GCLM: variants seen among roughly 807,000 people sequenced by gnomAD.
GCLM encodes glutamate--cysteine ligase regulatory subunit.
GCLM carries 15 observed loss-of-function variants against 36.0 expected under a neutral mutation model. The ratio of observed to expected loss-of-function variants is 0.42; its 90% CI spans 0.28 to 0.64. The LOEUF is 0.64. GCLM is among the 30% of genes least tolerant of loss of function. GCLM has a pLI of 0.25. For synonymous variants in GCLM, 129 were observed against 122.8 expected (o/e 1.05, Z -0.34); for missense variants, 242 against 325.5 (o/e 0.74, Z 1.97).
intron 6 of GCLM, among the ~76,000 whole-genome samples, chr1:93,892,585 A>C (rs1177018492): frequency 6.6e-6 from 1 of 152,184 alleles, no homozygotes; most frequent in Non-Finnish European, 1.5e-5. Context: ...AAGCCTATAC[A>C]TTTTCACCAA....
At chr1:93,898,059 A>G (rs1382278837) in intron 3 of GCLM, among the ~76,000 whole-genome samples, 161 bp from the exon 4 acceptor site, 2 of 152,070 alleles carry the variant, frequency 1.3e-5, no homozygotes, top group Non-Finnish European at 2.9e-5. Flanking sequence ...TTAAGACATA[A>G]ATGTATAGTT....
chr1:93,901,546 C>G (rs200917594), intron 3 of GCLM, 39 bp downstream of exon 3: 1 of 1,035,866 alleles, frequency 9.7e-7, no homozygotes, highest in Admixed American at 1.9e-5. Flanking sequence ...CTATCGCTTC[C>G]GCTATGTAAC....
intron 5 of GCLM, among the ~76,000 whole-genome samples, chr1:93,895,463 A>G (rs11165031): frequency 0.28 from 42,488 of 152,208 alleles, 6,114 homozygotes; most frequent in Admixed American, 0.36. Context: ...AGGATCAAAT[A>G]CAAGTAAATA....
At chr1:93,894,225 C>T (rs945773225) in intron 6 of GCLM, among the ~76,000 whole-genome samples, 4 of 151,482 alleles carry the variant, frequency 2.6e-5, no homozygotes, top group Admixed American at 2.6e-4. Context: ...TGCTACTGCA[C>T]TCCAGCCTGG....
Position 93,885,247 on chromosome 1 carries a change from G to C in GCLM, c.*3743C>G, listed in dbSNP as rs1175326048. On this transcript the variant is annotated 3_prime_UTR_variant, in exon 7 of 7. Coordinates refer to ENST00000370238, the MANE Select transcript of GCLM (RefSeq NM_002061.4). ...TTTATTTTCAAATCATACTCAGTTT[G>C]AGTTCAAATAGTTCAAAAATCAATA... 6.6e-6 allele frequency: 1 copy of C among 152,108 alleles called. No homozygotes were observed. The highest frequency in any genetic ancestry group is 2.4e-5 in the African/African-American group (1 of 41,414). 9.4% of individuals were successfully genotyped at this position (152,108 alleles called of 1,614,324 possible). A position where few individuals can be genotyped will look rare whatever the true frequency, so the allele number is the denominator to read the frequency against.
intron 6 of GCLM, among the ~76,000 whole-genome samples, chr1:93,892,239 A>T (rs1656563498): frequency 6.6e-6 from 1 of 152,190 alleles, no homozygotes; most frequent in African/African-American, 2.4e-5. Flanking sequence ...ATGGAAAATA[A>T]ACCCATTATG....
chr1:93,888,727 GA>G lies in GCLM; in HGVS notation c.*262del, dbSNP rs1656414356. 4.0e-6 allele frequency: 1 copy of G among 251,484 alleles called. No individual in the cohort carries two copies. The highest frequency in any genetic ancestry group is 7.5e-6 in the Non-Finnish European group (1 of 134,210). The allele number at this position is 251,484 out of a possible 1,614,324, so 15.6% of individuals were successfully genotyped here. A position where few individuals can be genotyped will look rare whatever the true frequency, so the allele number is the denominator to read the frequency against. ...ATTTATATTAGTCATAAAAATAAAG[GA>G]AAAATATATTGCAAGTATTTTCTTT... is the stretch of plus-strand genomic sequence containing the variant. On this transcript the variant is annotated 3_prime_UTR_variant, in exon 7 of 7. Coordinates refer to ENST00000370238, the MANE Select transcript of GCLM (RefSeq NM_002061.4).
intron 2 of GCLM, among the ~76,000 whole-genome samples, chr1:93,903,330 A>G (rs1377621759): frequency 3.3e-5 from 5 of 151,638 alleles, no homozygotes; most frequent in Admixed American, 6.6e-5. Flanking sequence ...TATTTTTTTG[A>G]GACAGAGTCT....
intron 2 of GCLM, 167 bp downstream of exon 2, chr1:93,904,356 T>G: frequency 3.2e-6 from 2 of 618,480 alleles, no homozygotes; most frequent in Non-Finnish European, 5.8e-6. Flanking sequence ...GATTTTCTGT[T>G]TTATGCATAA....
chr1:93,909,007 G>A, intron 1 of GCLM, 31 bp downstream of exon 1: 1 of 1,428,188 alleles, frequency 7.0e-7, no homozygotes, highest in Non-Finnish European at 9.2e-7. Context: ...GCCTGCCCCG[G>A]GAGCCCCGCG....
At chr1:93,904,233 T>C (rs1047856312) in intron 2 of GCLM, 2 of 346,000 alleles carry the variant, frequency 5.8e-6, no homozygotes, top group African/African-American at 2.2e-5. Context: ...TAATCATTCC[T>C]CTCCTAGACC....
chr1:93,894,162 G>C (rs17878443), intron 6 of GCLM, among the ~76,000 whole-genome samples: 41 of 152,008 alleles, frequency 2.7e-4, no homozygotes, highest in Non-Finnish European at 4.1e-4. Context: ...GAAGGCTGAG[G>C]CAGGAGGAGA....
rs566088841 is a variant in GCLM at position 93,890,858 on chromosome 1, C to A, written c.656-1699G>T. On this transcript the variant is annotated intron_variant, in intron 6 of 6. Coordinates refer to ENST00000370238, the MANE Select transcript of GCLM (RefSeq NM_002061.4). ...TTGATAATTTGAGAGTGCCGCAGTGCCAATTCTTTTTTTCTTTTCTATTTT... is the reference window on the plus strand; with the variant it reads ...TTGATAATTTGAGAGTGCCGCAGTGACAATTCTTTTTTTCTTTTCTATTTT... 4.0e-5 allele frequency among the ~76,000 whole-genome samples: 6 copies of A among 151,520 alleles called. No individual in the cohort carries two copies. In the South Asian group the frequency reaches 1.0e-3, roughly 26 times the overall value.
rs1656285989 is a variant in GCLM, at chr1:93,885,980, ATC to A, written c.*3008_*3009del. The A allele has an allele frequency of 6.6e-6, 1 of 152,156 alleles. No individual in the cohort carries two copies. The highest frequency in any genetic ancestry group is 1.5e-5 in the Non-Finnish European group (1 of 67,988). 9.4% of individuals were successfully genotyped at this position (152,156 alleles called of 1,614,324 possible). On this transcript the variant is annotated 3_prime_UTR_variant, in exon 7 of 7. Coordinates refer to ENST00000370238, the MANE Select transcript of GCLM (RefSeq NM_002061.4). The stretch of plus-strand genomic sequence containing the variant: ...TTTATACATAGCTGCTATCCAAATG[ATC>A]TTTTTTGAAAAATGAAAAATTATTA...
Position 93,896,621 on chromosome 1 carries a change from T to G in GCLM, c.537A>C (p.Ala179=). ...KTQLEQLYQW[A]QVKPNSNQVN... ...TCATGATCCTGCCATCCCTCACCTG[T>G]GCCCACTGATACAGCTGTTCCAACT... The change falls in exon 5 of 7, where the codon GCA becomes GCC. Residue 179 remains alanine, a synonymous_variant. Transcript: ENST00000370238. 1.2e-6 allele frequency: 2 copies of G among 1,612,590 alleles called. No individual in the cohort carries two copies. Among genetic ancestry groups the G allele is most frequent in the Non-Finnish European group, 1.7e-6 (2 of 1,178,572 alleles).
chr1:93,897,939 T>G (rs1314121332), intron 3 of GCLM, 41 bp from the exon 4 acceptor site: 1 of 1,109,828 alleles, frequency 9.0e-7, no homozygotes, highest in Non-Finnish European at 1.3e-6. Context: ...TACATTTGGA[T>G]ACACATTTCA....
chr1:93,909,334 C>T lies in GCLM; in HGVS notation c.-171G>A. 1 of 1,031,174 alleles carries T rather than the reference C, an allele frequency of 9.7e-7. No individual in the cohort carries two copies. The highest frequency in any genetic ancestry group is 1.2e-6 in the Non-Finnish European group (1 of 860,964). 63.9% of individuals were successfully genotyped at this position (1,031,174 alleles called of 1,614,324 possible). A position where few individuals can be genotyped will look rare whatever the true frequency, so the allele number is the denominator to read the frequency against. On this transcript the variant is annotated 5_prime_UTR_variant, in exon 1 of 7. Coordinates refer to ENST00000370238, the MANE Select transcript of GCLM (RefSeq NM_002061.4). Reference sequence around the variant, plus strand: ...GTCTGCGCTCGGGCCCGAGGGAGGCCGGACGGCGGCTGGGCGGCGGCGGGA... The same window carrying T: ...GTCTGCGCTCGGGCCCGAGGGAGGCTGGACGGCGGCTGGGCGGCGGCGGGA...
At chr1:93,889,660 CAT>C (rs1488769593) in intron 6 of GCLM, among the ~76,000 whole-genome samples, 13 of 150,872 alleles carry the variant, frequency 8.6e-5, no homozygotes, top group Admixed American at 4.0e-4. Flanking sequence ...TGTGTATATC[CAT>C]ATCTTACAAA....
intron 1 of GCLM, among the ~76,000 whole-genome samples, chr1:93,905,506 T>C (rs1189202698): frequency 1.3e-5 from 2 of 152,188 alleles, no homozygotes; most frequent in Non-Finnish European, 2.9e-5. Context: ...ACCACCAGGA[T>C]AGACATATCT....
Sources: gnomAD v4.1 joint callset for allele counts (sites outside exome capture counted in the v4.1 genomes callset) on GRCh38, gnomAD v4.1.1 for gene constraint, MANE v1.5 for transcripts, NCBI Gene and HGNC (gene_info 2026-07-23, HGNC 2026-07-21) for gene names.